Variants in PIKFYVE observed in about 807,000 individuals in gnomAD.
PIKFYVE encodes phosphoinositide kinase, FYVE-type zinc finger containing.
Under a neutral mutation model 257.9 loss-of-function variants are expected in PIKFYVE, and 122 were observed. The ratio of observed to expected loss-of-function variants is 0.47; its 90% CI spans 0.41 to 0.55. The LOEUF is 0.55. Ranked by LOEUF, PIKFYVE falls within the 20% of genes least tolerant of loss-of-function variation. The probability of loss-of-function intolerance (pLI) is 0.00; values close to 1 mark genes in which losing one functional copy is unlikely to be tolerated. For missense variants in PIKFYVE, 2,160 were observed against 2,536.6 expected (o/e 0.85, Z 3.19); for synonymous variants, 892 against 868.9 (o/e 1.03, Z -0.47).
At chr2:208,268,713 G>C (rs1689015051) in intron 1 of PIKFYVE, among the ~76,000 whole-genome samples, 1 of 151,744 alleles carries the variant, frequency 6.6e-6, no homozygotes, top group African/African-American at 2.4e-5. Context: ...ATTCTCAGTG[G>C]AAGATATTAG....
At chr2:208,312,092 C>A in intron 12 of PIKFYVE, 144 bp from the exon 13 acceptor site, 1 of 671,494 alleles carries the variant, frequency 1.5e-6, no homozygotes, top group Non-Finnish European at 2.7e-6. Context: ...TTACCCAAAG[C>A]TTTCTTGAAT....
chr2:208,304,068 T>C, intron 10 of PIKFYVE, 103 bp from the exon 11 acceptor site: 5 of 1,350,604 alleles, frequency 3.7e-6, no homozygotes, highest in Non-Finnish European at 5.2e-6. Context: ...ATTCAATTGT[T>C]AGGTTCATAG....
At chr2:208,314,540 A>G in intron 14 of PIKFYVE, 117 bp downstream of exon 14, 1 of 1,172,374 alleles carries the variant, frequency 8.5e-7, no homozygotes, top group African/African-American at 1.6e-5. Context: ...CTTAGAAAGT[A>G]AAAAAATACT....
chr2:208,351,541 G>C (rs1699773811), intron 38 of PIKFYVE, 86 bp downstream of exon 38: 1 of 1,126,128 alleles, frequency 8.9e-7, no homozygotes. Flanking sequence ...TTCTTGTGTT[G>C]CTATAAAGAA....
At chr2:208,273,247 T>C (rs1689663236) in intron 2 of PIKFYVE, among the ~76,000 whole-genome samples, 1 of 152,196 alleles carries the variant, frequency 6.6e-6, no homozygotes, top group Admixed American at 6.5e-5. Context: ...GGAGATCATA[T>C]ATACCAAGGG....
chr2:208,282,245 T>G (rs1690907445), intron 5 of PIKFYVE, among the ~76,000 whole-genome samples: 2 of 152,146 alleles, frequency 1.3e-5, no homozygotes, highest in Non-Finnish European at 2.9e-5. Flanking sequence ...GGAAATAGAG[T>G]CATTAGTGCC....
intron 34 of PIKFYVE, 90 bp downstream of exon 34, chr2:208,346,237 T>C: frequency 9.6e-7 from 1 of 1,043,610 alleles, no homozygotes; most frequent in Non-Finnish European, 1.5e-6. Flanking sequence ...ATAAGTACTA[T>C]CTGGCAATGA....
intron 28 of PIKFYVE, 143 bp from the exon 29 acceptor site, chr2:208,338,365 A>C: frequency 1.6e-6 from 1 of 630,352 alleles, no homozygotes; most frequent in Non-Finnish European, 2.7e-6. Flanking sequence ...AAGCTAATTA[A>C]AAATATTAAG....
At chr2:208,272,315 T>C (rs1340091768) in intron 2 of PIKFYVE, among the ~76,000 whole-genome samples, 1 of 152,160 alleles carries the variant, frequency 6.6e-6, no homozygotes, top group Non-Finnish European at 1.5e-5. Flanking sequence ...TTTTTTGTTA[T>C]TCTTTTTTTC....
intron 24 of PIKFYVE, chr2:208,334,271 C>T (rs1697882760): frequency 6.6e-6 from 1 of 152,664 alleles, no homozygotes; most frequent in Admixed American, 6.5e-5. Flanking sequence ...CTCTTCTCAA[C>T]ACAGCAGTCA....
At position 208,304,851 on chromosome 2, in the gene PIKFYVE, G is replaced by T. The variant is rs554381164; in HGVS notation, c.1474G>T (p.Ala492Ser). The change falls in exon 12 of 42, where the codon GCC becomes TCC. Residue 492 changes from alanine (A) to serine (S), a missense_variant. By Grantham distance (99) the Ala-to-Ser change is moderately conservative. Coordinates refer to ENST00000264380, the MANE Select transcript of PIKFYVE (RefSeq NM_015040.4). ...CCCCTTCCCAACACTAAAAGATTCT[G>T]CCAGTCCTAGCAAGCGCACATCAGT... Reference protein sequence around the residue: ...EEGDDNLANSASPSKRTSVSS... With the variant: ...EEGDDNLANSSSPSKRTSVSS... 4 of 1,613,788 alleles carry T rather than the reference G, an allele frequency of 2.5e-6. No individual in the cohort carries two copies. In the East Asian group the frequency reaches 8.9e-5, roughly 36 times the overall value.
chr2:208,280,881 T>G (rs1204302738), intron 5 of PIKFYVE, among the ~76,000 whole-genome samples: 1 of 152,226 alleles, frequency 6.6e-6, no homozygotes, highest in African/African-American at 2.4e-5. Flanking sequence ...CTATTCTGAT[T>G]ATTGCTTTGA....
At chr2:208,333,583 T>A in intron 24 of PIKFYVE, 90 bp downstream of exon 24, 1 of 1,381,176 alleles carries the variant, frequency 7.2e-7, no homozygotes, top group Non-Finnish European at 1.0e-6. Flanking sequence ...TAGATTGAAT[T>A]AATTTGTGGG....
Position 208,324,148 on chromosome 2 carries a change from G to C in PIKFYVE, c.2197G>C (p.Glu733Gln), listed in dbSNP as rs1696640211. The change falls in exon 18 of 42, where the codon GAA (glutamate) becomes CAA (glutamine). Residue 733 changes from glutamate to glutamine, a missense_variant. Glu to Gln is a conservative substitution (Grantham distance 29, BLOSUM62 2). Around this residue, in one of 12 missense-constraint regions of PIKFYVE, gnomAD observed 346 missense variants for 365.6 expected, o/e 0.95. Coordinates refer to ENST00000264380, the MANE Select transcript of PIKFYVE (RefSeq NM_015040.4). ...CIDPIVLQER[E>Q]FLKNYVQRIV... ...TCTGATTTATCTTACTTAGGAAAGG[G>C]AATTCTTGAAGAATTATGTCCAGCG... The C allele has an allele frequency of 1.2e-6, 2 of 1,613,036 alleles. No homozygotes were observed. Among genetic ancestry groups the C allele is most frequent in the Non-Finnish European group, 1.7e-6 (2 of 1,179,186 alleles).
intron 7 of PIKFYVE, among the ~76,000 whole-genome samples, chr2:208,297,356 T>C (rs1693113207): frequency 6.6e-6 from 1 of 152,224 alleles, no homozygotes; most frequent in Non-Finnish European, 1.5e-5. Context: ...TGAAAGACTA[T>C]GCCAAGAAAT....
At chr2:208,337,765 A>G (rs950323587) in intron 28 of PIKFYVE, among the ~76,000 whole-genome samples, 97 of 152,220 alleles carry the variant, frequency 6.4e-4, no homozygotes, top group African/African-American at 2.1e-3. Flanking sequence ...TCTGTCGTGC[A>G]TGCTGGAGTG....
Position 208,347,998 on chromosome 2 carries a change from C to T in PIKFYVE, c.5349C>T (p.Thr1783=), listed in dbSNP as rs369369378. 1.2e-5 allele frequency: 20 copies of T among 1,613,898 alleles called. No homozygotes were observed. Among genetic ancestry groups the T allele is most frequent in the Middle Eastern group, 1.6e-4 (1 of 6,082 alleles). The change falls in exon 35 of 42, where the codon ACC becomes ACT. Residue 1783 remains threonine (T), a synonymous_variant. Coordinates refer to ENST00000264380, the MANE Select transcript of PIKFYVE (RefSeq NM_015040.4). ...TTGGGCAGACGGGCAAGGAGGGGAC[C>T]GAGAATCAAGGCGTTGAGCCTCAAG... ...YQVGQTGKEG[T]ENQGVEPQDE... is the part of the protein sequence containing the mutation.
In PIKFYVE at chr2:208,300,966, A is replaced by G; in HGVS notation, c.1080A>G (p.Lys360=). 2 of 1,614,156 alleles carry G rather than the reference A, an allele frequency of 1.2e-6. No individual in the cohort carries two copies. The highest frequency in any genetic ancestry group is 1.7e-6 in the Non-Finnish European group (2 of 1,180,002). The change falls in exon 9 of 42, where the codon AAA becomes AAG. Residue 360 remains lysine (K), a synonymous_variant. Transcript: ENST00000264380. ...GTGTGCAGTTAAAAGACCTGTGGAA[A>G]AAAATCTGCCATCACAGCAGTGGAA... ...LDSVQLKDLW[K]KICHHSSGME... is the part of the protein sequence containing the mutation.
At chr2:208,317,654 G>A (rs1695701234) in intron 15 of PIKFYVE, among the ~76,000 whole-genome samples, 1 of 152,094 alleles carries the variant, frequency 6.6e-6, no homozygotes, top group South Asian at 2.1e-4. Context: ...AGAGTCCTAG[G>A]GTAGTACATT....
Sources: allele counts gnomAD v4.1 joint callset (sites outside exome capture counted in the v4.1 genomes callset), GRCh38; gene constraint gnomAD v4.1.1; regional missense constraint gnomAD v4.1.1; transcripts MANE v1.5; gene names NCBI Gene and HGNC (gene_info 2026-07-23, HGNC 2026-07-21).